BRAF: variants seen among roughly 807,000 people sequenced by gnomAD.
The protein encoded by BRAF is serine/threonine-protein kinase B-raf.
A neutral mutation model predicts 104.6 loss-of-function variants in BRAF; 16 were observed. The observed-to-expected ratio is 0.15, with a 90% confidence interval of 0.10 to 0.23. The LOEUF is 0.23. BRAF is among the 10% of genes least tolerant of loss of function. The pLI is 1.00. For missense variants in BRAF, 541 were observed against 937.3 expected (o/e 0.58, Z 5.52); for synonymous variants, 310 against 341.6 (o/e 0.91, Z 1.02).
chr7:140,729,424 C>T (rs1391564942), intron 19 of BRAF, among the ~76,000 whole-genome samples: 1 of 152,098 alleles, frequency 6.6e-6, no homozygotes, highest in Non-Finnish European at 1.5e-5. Context: ...GAGGGTGGAT[C>T]ATCTGAGGCC....
chr7:140,921,067 A>G (rs1018682309), intron 1 of BRAF, among the ~76,000 whole-genome samples: 4 of 152,208 alleles, frequency 2.6e-5, no homozygotes, highest in Non-Finnish European at 4.4e-5. Context: ...ACAGTTTAAG[A>G]CTGACGATCA....
intron 19 of BRAF, among the ~76,000 whole-genome samples, chr7:140,728,827 A>G (rs1179376713): frequency 6.6e-6 from 1 of 152,124 alleles, no homozygotes; most frequent in Non-Finnish European, 1.5e-5. Context: ...ATAGAAAAGA[A>G]ATCTTTATGA....
At chr7:140,832,758 A>C (rs1466256931) in intron 3 of BRAF, among the ~76,000 whole-genome samples, 2 of 152,132 alleles carry the variant, frequency 1.3e-5, no homozygotes, top group Non-Finnish European at 2.9e-5. Context: ...TTATCATTTT[A>C]CATCTTTGAA....
At chr7:140,782,107 T>A (rs1035229981) in intron 11 of BRAF, among the ~76,000 whole-genome samples, 1 of 152,144 alleles carries the variant, frequency 6.6e-6, no homozygotes, top group African/African-American at 2.4e-5. Flanking sequence ...CCCTGCCCTG[T>A]GTCCAAGTGT....
chr7:140,873,304 G>A (rs1021997725), intron 1 of BRAF, among the ~76,000 whole-genome samples: 1 of 151,784 alleles, frequency 6.6e-6, no homozygotes, highest in African/African-American at 2.4e-5. Context: ...CCAGGTAGCT[G>A]GAATTACAGG....
intron 1 of BRAF, among the ~76,000 whole-genome samples, chr7:140,906,642 A>G (rs1816360323): frequency 6.6e-6 from 1 of 152,146 alleles, no homozygotes; most frequent in African/African-American, 2.4e-5. Context: ...ATACTTCATA[A>G]TTTCCTTTAG....
In BRAF at chr7:140,754,179, A is replaced by G; in HGVS notation, c.1861+8T>C. On this transcript the variant is annotated splice_region_variant and intron_variant, in intron 15 of 19. Coordinates refer to ENST00000644969, the MANE Select transcript of BRAF (RefSeq NM_001374258.1). Reference sequence around the variant, plus strand: ...TCAAACTTCGCAGACAAATTTCAGGAAGGATACTATTACTCTTGAGGTCTC... The same window carrying G: ...TCAAACTTCGCAGACAAATTTCAGGGAGGATACTATTACTCTTGAGGTCTC... 8 of 1,612,786 alleles carry G rather than the reference A, an allele frequency of 5.0e-6. No individual in the cohort carries two copies. Among genetic ancestry groups the G allele is most frequent in the Non-Finnish European group, 5.9e-6 (7 of 1,178,864 alleles).
rs570181640 is a variant in BRAF at position 140,775,705 on chromosome 7, T to C, written c.1814+1207A>G. Among the ~76,000 whole-genome samples, 98 of 152,322 alleles carry C rather than the reference T, an allele frequency of 6.4e-4. 1 individual carries two copies. The Middle Eastern group carries it at 0.01, about 16-fold the overall frequency. On this transcript the variant is annotated intron_variant, in intron 14 of 19. Transcript: ENST00000644969. ...CAGAGATTCTAACTTATCTGAAACGTTGAGATTGTTTCAAGTCTAGGGGTA... is the reference window on the plus strand; with the variant it reads ...CAGAGATTCTAACTTATCTGAAACGCTGAGATTGTTTCAAGTCTAGGGGTA...
chr7:140,890,214 A>G (rs539695489), intron 1 of BRAF, among the ~76,000 whole-genome samples: 17 of 152,346 alleles, frequency 1.1e-4, no homozygotes, highest in Admixed American at 7.2e-4. Context: ...AAAGTAAATA[A>G]TAAACTGAAA....
Position 140,924,165 on chromosome 7 carries a change from G to A in BRAF, c.138+401C>T, listed in dbSNP as rs946188543. Among the ~76,000 whole-genome samples, 1 of 152,124 alleles carries A rather than the reference G, an allele frequency of 6.6e-6. No individual in the cohort carries two copies. Among genetic ancestry groups the A allele is most frequent in the Non-Finnish European group, 1.5e-5 (1 of 68,024 alleles). On this transcript the variant is annotated intron_variant, in intron 1 of 19. Coordinates refer to ENST00000644969, the MANE Select transcript of BRAF (RefSeq NM_001374258.1). The surrounding 1 kb of genome is among the most constrained non-coding windows in gnomAD (Gnocchi z 4.2). ...ACACGCGACAGTAACTCGGGCTGTT[G>A]TCTCAGCCCCAGCAACTAACCTATA...
At chr7:140,852,021 C>CAA (rs1809218043) in intron 1 of BRAF, among the ~76,000 whole-genome samples, 1 of 152,134 alleles carries the variant, frequency 6.6e-6, no homozygotes, top group Non-Finnish European at 1.5e-5. Context: ...TCTTGCTACT[C>CAA]AAAGTGTGGG....
In BRAF at chr7:140,723,295, A is replaced by C. The variant is rs891027820; in HGVS notation, c.*3199T>G. On this transcript the variant is annotated 3_prime_UTR_variant, in exon 20 of 20. Transcript: ENST00000644969. Reference sequence around the variant, plus strand: ...AAACCAGAAGCTAGGAAATATTTACAAAGTTTCAGGTTGACAGTGCTGCAG... The same window carrying C: ...AAACCAGAAGCTAGGAAATATTTACCAAGTTTCAGGTTGACAGTGCTGCAG... The C allele has an allele frequency of 8.2e-5, 87 of 1,056,320 alleles. 1 individual carries two copies. In the African/African-American group the frequency reaches 1.2e-3, roughly 15 times the overall value. The allele number at this position is 1,056,320 out of a possible 1,614,324, so 65.4% of individuals were successfully genotyped here. A position where few individuals can be genotyped will look rare whatever the true frequency, so the allele number is the denominator to read the frequency against.
intron 14 of BRAF, among the ~76,000 whole-genome samples, chr7:140,762,422 C>T (rs1798829252): frequency 6.6e-6 from 1 of 152,044 alleles, no homozygotes; most frequent in African/African-American, 2.4e-5. Context: ...CACTAAATGC[C>T]CACAAGAGAA....
intron 3 of BRAF, among the ~76,000 whole-genome samples, chr7:140,829,202 G>GT (rs1055483381): frequency 4.0e-5 from 6 of 148,936 alleles, no homozygotes; most frequent in Non-Finnish European, 1.5e-5. Flanking sequence ...TTTTTTGTGG[G>GT]GGGGGGCATA....
chr7:140,878,934 C>T (rs899711287), intron 1 of BRAF, among the ~76,000 whole-genome samples: 2 of 151,938 alleles, frequency 1.3e-5, no homozygotes, highest in Non-Finnish European at 2.9e-5. Flanking sequence ...AGTGCAGTGG[C>T]GCAAATCTCA....
intron 1 of BRAF, among the ~76,000 whole-genome samples, chr7:140,863,503 C>T (rs931742702): frequency 1.3e-5 from 2 of 152,170 alleles, no homozygotes; most frequent in African/African-American, 4.8e-5. Context: ...GTATGTGTGA[C>T]ATAATCTGAT....
chr7:140,791,914 A>G (rs1332949479), intron 8 of BRAF, among the ~76,000 whole-genome samples: 1 of 152,208 alleles, frequency 6.6e-6, no homozygotes, highest in East Asian at 1.9e-4. Flanking sequence ...CCACTTCAGT[A>G]ATTTATCAGC....
chr7:140,828,479 G>C (rs1806325469), intron 3 of BRAF, among the ~76,000 whole-genome samples: 1 of 152,136 alleles, frequency 6.6e-6, no homozygotes, highest in South Asian at 2.1e-4. Context: ...TTCTAGTTGA[G>C]AGAGATATTT....
chr7:140,780,239 A>G (rs1800733227), intron 12 of BRAF: 1 of 150,302 alleles, frequency 6.7e-6, no homozygotes, highest in African/African-American at 2.5e-5. Flanking sequence ...AAACTAAAAC[A>G]CAGTCTTTTT....
Sources: gnomAD v4.1 joint callset for allele counts (sites outside exome capture counted in the v4.1 genomes callset) on GRCh38, gnomAD v4.1.1 for gene constraint, Gnocchi (gnomAD v3.1) non-coding constraint, MANE v1.5 for transcripts, NCBI Gene and HGNC (gene_info 2026-07-23, HGNC 2026-07-21) for gene names.